ASAP1: variants seen among roughly 807,000 people sequenced by gnomAD.
ASAP1 encodes ArfGAP with SH3 domain, ankyrin repeat and PH domain 1, also known as arf-GAP with SH3 domain, ANK repeat and PH domain-containing protein 1.
A neutral mutation model predicts 145.2 loss-of-function variants in ASAP1; 43 were observed. That is an observed-to-expected ratio of 0.30 (90% confidence interval 0.23 to 0.38). The LOEUF (loss-of-function observed/expected upper bound fraction) is 0.38, where lower values mean the gene tolerates loss of function less well. Among genes scored for constraint, ASAP1 ranks in the 10% least tolerant of loss-of-function variants. The pLI is 1.00. For missense variants in ASAP1, 1,018 were observed against 1,355.3 expected, an observed-to-expected ratio of 0.75 and a Z score of 3.91; for synonymous variants, 546 against 515.5, an observed-to-expected ratio of 1.06 and a Z score of -0.80.
chr8:130,175,929 A>G (rs1681163654), intron 9 of ASAP1, among the ~76,000 whole-genome samples: 1 of 152,246 alleles, frequency 6.6e-6, no homozygotes, highest in Non-Finnish European at 1.5e-5. Flanking sequence ...CAGATAATAA[A>G]GCAATGTTTA....
At chr8:130,361,832 C>G in intron 2 of ASAP1, 2 of 1,239,694 alleles carry the variant, frequency 1.6e-6, no homozygotes, top group Non-Finnish European at 2.3e-6. Context: ...TTGTGTGGAG[C>G]TGCCCCGAAA....
intron 3 of ASAP1, among the ~76,000 whole-genome samples, chr8:130,238,704 G>A (rs1193638052): frequency 6.6e-6 from 1 of 151,996 alleles, no homozygotes; most frequent in Non-Finnish European, 1.5e-5. Context: ...TTTCAGATAA[G>A]GAAATGTAGT....
At chr8:130,283,897 A>G (rs1821427517) in intron 3 of ASAP1, among the ~76,000 whole-genome samples, 2 of 152,198 alleles carry the variant, frequency 1.3e-5, no homozygotes, top group South Asian at 4.1e-4. Flanking sequence ...CCATTTCAGG[A>G]CATGCAATCA....
chr8:130,312,990 T>G (rs984798870), intron 3 of ASAP1, among the ~76,000 whole-genome samples: 9 of 152,224 alleles, frequency 5.9e-5, no homozygotes, highest in African/African-American at 2.2e-4. Flanking sequence ...AAAAATGACT[T>G]GGCAAATGAA....
chr8:130,133,279 A>G (rs1000440986), intron 15 of ASAP1, among the ~76,000 whole-genome samples: 27 of 152,256 alleles, frequency 1.8e-4, no homozygotes, highest in African/African-American at 6.3e-4. Flanking sequence ...GAGGGAATAA[A>G]GACAGCTCAG....
intron 13 of ASAP1, among the ~76,000 whole-genome samples, chr8:130,142,863 A>G (rs1175991467): frequency 1.3e-5 from 2 of 148,366 alleles, no homozygotes; most frequent in Non-Finnish European, 3.0e-5. Flanking sequence ...TTAGATCTCT[A>G]TTTCACGGTG....
chr8:130,108,635 C>T (rs1364168982), intron 24 of ASAP1, among the ~76,000 whole-genome samples: 5 of 151,608 alleles, frequency 3.3e-5, no homozygotes, highest in African/African-American at 1.2e-4. Context: ...CCTGTCCCTA[C>T]TAAAAATACA....
intron 1 of ASAP1, among the ~76,000 whole-genome samples, chr8:130,405,832 A>G (rs1443508714): frequency 6.6e-6 from 1 of 152,274 alleles, no homozygotes; most frequent in East Asian, 1.9e-4. Flanking sequence ...TTATTCAAAC[A>G]GAGATTATTT....
At chr8:130,234,883 T>C (rs1346647208) in intron 4 of ASAP1, among the ~76,000 whole-genome samples, 2 of 152,112 alleles carry the variant, frequency 1.3e-5, no homozygotes, top group Non-Finnish European at 2.9e-5. Flanking sequence ...TGGTCAAATG[T>C]TGTATGTGGA....
At chr8:130,426,801 T>C (rs1246175274) in intron 1 of ASAP1, among the ~76,000 whole-genome samples, 1 of 152,144 alleles carries the variant, frequency 6.6e-6, no homozygotes, top group African/African-American at 2.4e-5. Flanking sequence ...CTCCCCAGCA[T>C]GCCCCAGCCT....
chr8:130,214,504 T>C, intron 5 of ASAP1, 52 bp downstream of exon 5: 2 of 1,505,088 alleles, frequency 1.3e-6, no homozygotes, highest in South Asian at 1.3e-5. Flanking sequence ...CTATATGACG[T>C]AATATTTTGG....
At chr8:130,390,245 G>T (rs1184951449) in intron 2 of ASAP1, among the ~76,000 whole-genome samples, 1 of 152,128 alleles carries the variant, frequency 6.6e-6, no homozygotes, top group Non-Finnish European at 1.5e-5. Flanking sequence ...AAAATTATAT[G>T]AACTTTATAA....
intron 11 of ASAP1, among the ~76,000 whole-genome samples, chr8:130,165,339 C>T (rs1297277919): frequency 6.6e-6 from 1 of 152,034 alleles, no homozygotes; most frequent in East Asian, 1.9e-4. Context: ...AGTAAAACAA[C>T]AATAAACAAA....
At chr8:130,439,437 T>A (rs1830419786) in intron 1 of ASAP1, among the ~76,000 whole-genome samples, 1 of 152,234 alleles carries the variant, frequency 6.6e-6, no homozygotes, top group African/African-American at 2.4e-5. Context: ...ATGCTTACCC[T>A]AATGTAATGC....
At chr8:130,312,360 C>CT (rs1009890738) in intron 3 of ASAP1, among the ~76,000 whole-genome samples, 4 of 151,808 alleles carry the variant, frequency 2.6e-5, no homozygotes, top group African/African-American at 9.7e-5. Flanking sequence ...GCCTTGAGCA[C>CT]TGATGGCACC....
chr8:130,180,997 A>T (rs1466355114), intron 7 of ASAP1, 117 bp from the exon 8 acceptor site: 6 of 819,396 alleles, frequency 7.3e-6, no homozygotes, highest in Admixed American at 6.1e-5. Flanking sequence ...ATGTAGGTTC[A>T]TCAGTTGTAT....
At chr8:130,308,716 C>T (rs572596723) in intron 3 of ASAP1, among the ~76,000 whole-genome samples, 1 of 152,076 alleles carries the variant, frequency 6.6e-6, no homozygotes, top group Non-Finnish European at 1.5e-5. Flanking sequence ...TCCCTCAGTA[C>T]ATATCAACTA....
chr8:130,204,536 C>G (rs1816079793), intron 5 of ASAP1, among the ~76,000 whole-genome samples: 2 of 152,174 alleles, frequency 1.3e-5, no homozygotes, highest in African/African-American at 2.4e-5. Context: ...AAATACTCCC[C>G]TTTCCAGGTC....
chr8:130,430,022 C>T (rs981666979), intron 1 of ASAP1, among the ~76,000 whole-genome samples: 3 of 152,130 alleles, frequency 2.0e-5, no homozygotes, highest in East Asian at 3.9e-4. Flanking sequence ...GAAAGATCAT[C>T]GGCTTGAAGT....
Sources: gnomAD v4.1 joint callset for allele counts (sites outside exome capture counted in the v4.1 genomes callset) on GRCh38, gnomAD v4.1.1 for gene constraint, MANE v1.5 for transcripts, NCBI Gene and HGNC (gene_info 2026-07-23, HGNC 2026-07-21) for gene names.